Variants in R3HDM2 observed in about 807,000 individuals in gnomAD.
R3HDM2 encodes R3H domain-containing protein 2.
In R3HDM2, 38 loss-of-function variants were observed where a neutral mutation model predicts 124.5. The observed-to-expected ratio is 0.31, with a 90% CI of 0.24 to 0.40. The LOEUF (loss-of-function observed/expected upper bound fraction) is 0.40. Among genes scored for constraint, R3HDM2 ranks in the 10% least tolerant of loss-of-function variants. R3HDM2 has a pLI of 1.00. For missense variants in R3HDM2, 869 were observed against 1,236.9 expected (o/e 0.70, Z 4.46); for synonymous variants, 391 against 448.0 (o/e 0.87, Z 1.61).
At chr12:57,371,113 T>TTTTTTTTTTTA (rs71084748) in intron 2 of R3HDM2, among the ~76,000 whole-genome samples, 1 of 101,850 alleles carries the variant, frequency 9.8e-6, no homozygotes, top group Non-Finnish European at 2.0e-5. Context: ...TTTTTTTTTT[T>TTTTTTTTTTTA]AAGATACACA....
intron 5 of R3HDM2, among the ~76,000 whole-genome samples, 185 bp downstream of exon 5, chr12:57,299,910 A>G (rs1592941686): frequency 6.6e-6 from 1 of 152,242 alleles, no homozygotes; most frequent in South Asian, 2.1e-4. Flanking sequence ...GTCTGTCAGC[A>G]CTGCCACTGC....
intron 1 of R3HDM2, among the ~76,000 whole-genome samples, chr12:57,417,422 C>G (rs996018166): frequency 6.6e-6 from 1 of 150,816 alleles, no homozygotes; most frequent in Non-Finnish European, 1.5e-5. Flanking sequence ...CCACATGAAA[C>G]TGGGTTTATA....
intron 1 of R3HDM2, among the ~76,000 whole-genome samples, chr12:57,413,847 CTTTTT>C (rs56189620): frequency 4.1e-5 from 5 of 120,536 alleles, no homozygotes; most frequent in Admixed American, 1.7e-4. Context: ...AATCCCCCCC[CTTTTT>C]TTTTTTTTTT....
intron 1 of R3HDM2, among the ~76,000 whole-genome samples, chr12:57,406,523 T>A: frequency 6.6e-6 from 1 of 152,106 alleles, no homozygotes; most frequent in East Asian, 1.9e-4. Context: ...AAATTGTACC[T>A]CAGAGTAACC....
At chr12:57,339,206 A>C (rs12813702) in intron 2 of R3HDM2, among the ~76,000 whole-genome samples, 2 of 151,394 alleles carry the variant, frequency 1.3e-5, no homozygotes, top group African/African-American at 4.9e-5. Flanking sequence ...CATGTTGGCC[A>C]GGCTGGTCTC....
chr12:57,419,805 C>T (rs2070013396), intron 1 of R3HDM2, among the ~76,000 whole-genome samples: 2 of 151,898 alleles, frequency 1.3e-5, no homozygotes, highest in Non-Finnish European at 2.9e-5. Flanking sequence ...TTGAAATGCT[C>T]CCCCACCTTT....
chr12:57,410,336 A>C (rs1017260198), intron 1 of R3HDM2, among the ~76,000 whole-genome samples: 19 of 151,814 alleles, frequency 1.3e-4, no homozygotes, highest in African/African-American at 3.6e-4. Context: ...AAAAAAAAAA[A>C]AAAAAACTTC....
At chr12:57,268,140 A>G (rs950576445) in intron 18 of R3HDM2, 163 bp downstream of exon 18, 7 of 642,678 alleles carry the variant, frequency 1.1e-5, no homozygotes, top group African/African-American at 1.8e-5. Context: ...TGTCAAATCA[A>G]TAAGTGAAAA....
chr12:57,263,692 C>G (rs1158493313), intron 19 of R3HDM2, among the ~76,000 whole-genome samples: 1 of 152,086 alleles, frequency 6.6e-6, no homozygotes, highest in Non-Finnish European at 1.5e-5. Flanking sequence ...TGGCTGGTCT[C>G]GAACTCCTGG....
intron 2 of R3HDM2, chr12:57,341,458 T>C (rs1566252283): frequency 1.0e-6 from 1 of 976,230 alleles, no homozygotes; most frequent in Non-Finnish European, 1.2e-6. Flanking sequence ...GCAAACAAAA[T>C]CACTACGTCA....
chr12:57,342,566 G>A (rs2059682153), intron 2 of R3HDM2, among the ~76,000 whole-genome samples: 1 of 152,038 alleles, frequency 6.6e-6, no homozygotes, highest in Non-Finnish European at 1.5e-5. Context: ...TCTCATTCAA[G>A]TACTTCAGTG....
intron 20 of R3HDM2, 58 bp downstream of exon 20, chr12:57,258,832 C>A (rs1444786511): frequency 1.4e-6 from 2 of 1,397,042 alleles, no homozygotes; most frequent in East Asian, 2.6e-5. Flanking sequence ...GCAAACATTG[C>A]GCCCCGGGAA....
At chr12:57,327,822 C>T (rs2057522036) in intron 2 of R3HDM2, among the ~76,000 whole-genome samples, 2 of 152,130 alleles carry the variant, frequency 1.3e-5, no homozygotes, top group Non-Finnish European at 1.5e-5. Context: ...TTGTTTCTTA[C>T]GGATGAGCAA....
intron 13 of R3HDM2, among the ~76,000 whole-genome samples, chr12:57,282,153 T>C (rs2046302000): frequency 1.3e-5 from 2 of 151,788 alleles, no homozygotes; most frequent in Non-Finnish European, 2.9e-5. Context: ...CTACTAAAAA[T>C]ACAAAAAATT....
intron 3 of R3HDM2, among the ~76,000 whole-genome samples, chr12:57,307,482 A>G (rs929214016): frequency 1.4e-4 from 21 of 151,206 alleles, no homozygotes; most frequent in African/African-American, 4.9e-4. Flanking sequence ...CACCAGGCCC[A>G]GCTAATTTTT....
At chr12:57,280,281 C>T in intron 14 of R3HDM2, 77 bp downstream of exon 14, 1 of 1,450,428 alleles carries the variant, frequency 6.9e-7, no homozygotes, top group South Asian at 1.4e-5. Context: ...CCACCCACAG[C>T]ACAAGAGACA....
intron 2 of R3HDM2, among the ~76,000 whole-genome samples, chr12:57,331,523 C>T (rs773459794): frequency 7.9e-5 from 12 of 152,122 alleles, no homozygotes; most frequent in Non-Finnish European, 1.6e-4. Flanking sequence ...GCTTTGCTCG[C>T]TGCTTATAAA....
chr12:57,405,385 T>A (rs181940623), intron 1 of R3HDM2, among the ~76,000 whole-genome samples: 7 of 152,290 alleles, frequency 4.6e-5, no homozygotes, highest in Admixed American at 1.3e-4. Context: ...ATGCCTGTAA[T>A]CTCAGAACTT....
intron 14 of R3HDM2, among the ~76,000 whole-genome samples, chr12:57,270,759 G>A (rs1202461255): frequency 6.6e-6 from 1 of 151,858 alleles, no homozygotes; most frequent in Non-Finnish European, 1.5e-5. Context: ...AGTAGAGACG[G>A]GATTTCACCA....
Sources: gnomAD v4.1 joint callset for allele counts (sites outside exome capture counted in the v4.1 genomes callset) on GRCh38, gnomAD v4.1.1 for gene constraint, MANE v1.5 for transcripts, NCBI Gene and HGNC (gene_info 2026-07-23, HGNC 2026-07-21) for gene names.